The following VPS8 variants were observed in gnomAD, a reference collection of about 807,000 sequenced individuals.
VPS8 encodes vacuolar protein sorting-associated protein 8 homolog.
A neutral mutation model predicts 216.4 loss-of-function variants in VPS8; 129 were observed. The ratio of observed to expected loss-of-function variants is 0.60; its 90% CI spans 0.52 to 0.69. VPS8 has a LOEUF of 0.69. VPS8 is among the 30% of genes least tolerant of loss of function. The probability of loss-of-function intolerance (pLI) is 0.00; values close to 1 mark genes in which losing one functional copy is unlikely to be tolerated. For missense variants in VPS8, 1,531 were observed against 1,683.5 expected (o/e 0.91, Z 1.59); for synonymous variants, 571 against 565.4 (o/e 1.01, Z -0.14).
At chr3:184,817,388 A>G (rs1198552871) in intron 1 of VPS8, 1 of 152,308 alleles carries the variant, frequency 6.6e-6, no homozygotes, top group Non-Finnish European at 1.5e-5. Flanking sequence ...TGGAACCTGC[A>G]TTCCAACTGG....
intron 45 of VPS8, among the ~76,000 whole-genome samples, chr3:185,019,740 G>C (rs149577104): frequency 1.4e-4 from 22 of 152,248 alleles, no homozygotes; most frequent in Admixed American, 1.4e-3. Flanking sequence ...TCACAATGCT[G>C]TAGAGATTTT....
At chr3:184,902,474 C>T (rs1466139665) in intron 25 of VPS8, among the ~76,000 whole-genome samples, 1 of 151,676 alleles carries the variant, frequency 6.6e-6, no homozygotes, top group African/African-American at 2.4e-5. Flanking sequence ...CAGAGCAAGA[C>T]TCCGTCTCAT....
chr3:185,023,549 A>G (rs1176840163), intron 45 of VPS8, among the ~76,000 whole-genome samples: 2 of 152,148 alleles, frequency 1.3e-5, no homozygotes, highest in East Asian at 3.9e-4. Context: ...ATCCCAGCTA[A>G]TTGGGAGGCT....
At chr3:184,833,666 C>T (rs1054181284) in intron 4 of VPS8, among the ~76,000 whole-genome samples, 3 of 152,180 alleles carry the variant, frequency 2.0e-5, no homozygotes, top group East Asian at 1.9e-4. Flanking sequence ...TAAGCACTCA[C>T]ACTTCAGCCC....
chr3:184,943,581 G>A (rs567621740), intron 36 of VPS8, among the ~76,000 whole-genome samples: 2 of 152,202 alleles, frequency 1.3e-5, no homozygotes, highest in Non-Finnish European at 2.9e-5. Flanking sequence ...TTTTGCCTTT[G>A]TTTCTTCTCT....
intron 13 of VPS8, among the ~76,000 whole-genome samples, 175 bp from the exon 14 acceptor site, chr3:184,855,536 C>T (rs573270440): frequency 6.6e-6 from 1 of 152,292 alleles, no homozygotes; most frequent in South Asian, 2.1e-4. Flanking sequence ...TAGAACATTA[C>T]CATCAACCCA....
At chr3:184,934,426 C>A (rs1163331928) in intron 34 of VPS8, among the ~76,000 whole-genome samples, 1 of 152,158 alleles carries the variant, frequency 6.6e-6, no homozygotes, top group Non-Finnish European at 1.5e-5. Context: ...CTACCTTGGC[C>A]TCCCAAAGTG....
chr3:185,014,014 G>T (rs1755420352), intron 45 of VPS8, among the ~76,000 whole-genome samples: 1 of 152,164 alleles, frequency 6.6e-6, no homozygotes, highest in African/African-American at 2.4e-5. Context: ...TCACTTATAG[G>T]AATAGCTTTA....
At chr3:184,907,394 T>C (rs1367965443) in intron 25 of VPS8, among the ~76,000 whole-genome samples, 1 of 152,198 alleles carries the variant, frequency 6.6e-6, no homozygotes, top group Non-Finnish European at 1.5e-5. Context: ...GGAATTTCCT[T>C]GTGGGTAAAT....
At chr3:184,982,002 G>A (rs1312028307) in intron 40 of VPS8, among the ~76,000 whole-genome samples, 1 of 151,814 alleles carries the variant, frequency 6.6e-6, no homozygotes, top group Non-Finnish European at 1.5e-5. Context: ...CATGTTAACT[G>A]ATACAGTTTT....
At chr3:184,840,888 C>G (rs1217199719) in intron 7 of VPS8, among the ~76,000 whole-genome samples, 1 of 152,060 alleles carries the variant, frequency 6.6e-6, no homozygotes, top group Non-Finnish European at 1.5e-5. Context: ...TACTTAATAG[C>G]AGAACCACGA....
chr3:184,828,783 A>G lies in VPS8; in HGVS notation c.222+2552A>G, dbSNP rs138206393. Among the ~76,000 whole-genome samples, 581 of 152,348 alleles carry G rather than the reference A, an allele frequency of 3.8e-3. 3 individuals carry two copies. Among genetic ancestry groups the G allele is most frequent in the African/African-American group, 0.013 (559 of 41,576 alleles). ...ATACATAGAGGAAGGTGCACAAATC[A>G]TAAGTGTACAGTGTGGTGAATGTTA... On this transcript the variant is annotated intron_variant, in intron 3 of 47. Transcript: ENST00000625842.
chr3:185,021,368 A>G (rs2110062476), intron 45 of VPS8, among the ~76,000 whole-genome samples: 1 of 152,326 alleles, frequency 6.6e-6, no homozygotes, highest in South Asian at 2.1e-4. Flanking sequence ...TGCCACTTCA[A>G]ACATATTCTG....
chr3:184,951,807 A>G (rs1239807877), intron 36 of VPS8, among the ~76,000 whole-genome samples: 1 of 152,252 alleles, frequency 6.6e-6, no homozygotes, highest in East Asian at 1.9e-4. Flanking sequence ...ACAGTCAGAA[A>G]TGGATGTAAA....
chr3:184,884,180 G>A (rs1176648151), intron 21 of VPS8, among the ~76,000 whole-genome samples: 3 of 151,978 alleles, frequency 2.0e-5, no homozygotes, highest in Non-Finnish European at 4.4e-5. Context: ...CCATCAGCTC[G>A]TCATTTACAT....
intron 5 of VPS8, among the ~76,000 whole-genome samples, chr3:184,837,274 A>G (rs1204406994): frequency 1.3e-5 from 2 of 152,222 alleles, no homozygotes; most frequent in Non-Finnish European, 2.9e-5. Context: ...TATTTTGAAT[A>G]TAGAACAGAC....
intron 42 of VPS8, among the ~76,000 whole-genome samples, chr3:184,983,473 T>C (rs1433780642): frequency 1.3e-5 from 2 of 152,296 alleles, no homozygotes; most frequent in South Asian, 4.1e-4. Flanking sequence ...TTCCTAAGCA[T>C]TGGTTGTTAT....
At chr3:184,869,625 C>CTCTTCTAGATTG in intron 20 of VPS8, 97 bp downstream of exon 20, 3 of 1,225,408 alleles carry the variant, frequency 2.4e-6, no homozygotes, top group Non-Finnish European at 3.5e-6. Flanking sequence ...TGGCTACAAT[C>CTCTTCTAGATTG]TAGAAGAGAG....
chr3:184,982,087 C>A (rs757718199), intron 40 of VPS8, among the ~76,000 whole-genome samples: 4 of 151,022 alleles, frequency 2.6e-5, no homozygotes, highest in Non-Finnish European at 5.9e-5. Flanking sequence ...TTTGGATAAC[C>A]TTTACTCATT....
Sources: allele counts gnomAD v4.1 joint callset (sites outside exome capture counted in the v4.1 genomes callset), GRCh38; gene constraint gnomAD v4.1.1; transcripts MANE v1.5; gene names NCBI Gene and HGNC (gene_info 2026-07-23, HGNC 2026-07-21).